The following ABCB9 variants were observed in gnomAD, a reference collection of about 807,000 sequenced individuals.
ABCB9 encodes ABC-type oligopeptide transporter ABCB9.
A neutral mutation model predicts 62.0 loss-of-function variants in ABCB9; 36 were observed. That is an observed-to-expected ratio of 0.58 (90% CI 0.45 to 0.77). The LOEUF (loss-of-function observed/expected upper bound fraction) is 0.77. ABCB9 is among the 30% of genes least tolerant of loss of function. The pLI is 0.00. For synonymous variants in ABCB9, 435 were observed against 461.4 expected (o/e 0.94, Z 0.73); for missense variants, 943 against 1,054.7 (o/e 0.89, Z 1.47).
At chr12:122,970,772 T>C (rs568542770), upstream of ABCB9, among the ~76,000 whole-genome samples, 1 of 152,302 alleles carries the variant, frequency 6.6e-6, no homozygotes, top group African/African-American at 2.4e-5. Context: ...AACTATGATG[T>C]CGTTCAGCAG....
chr12:122,941,465 C>T (rs1162846903), intron 7 of ABCB9, among the ~76,000 whole-genome samples: 3 of 151,898 alleles, frequency 2.0e-5, no homozygotes, highest in African/African-American at 2.4e-5. Context: ...CTCGCCACCA[C>T]GCCCAGATAA....
intron 1 of ABCB9, among the ~76,000 whole-genome samples, chr12:122,962,367 C>G (rs2135920946): frequency 6.6e-6 from 1 of 152,270 alleles, no homozygotes; most frequent in African/African-American, 2.4e-5. Context: ...CTCTAGATCC[C>G]CCAAGAGGAG....
chr12:122,941,643 C>T (rs1419067669), intron 7 of ABCB9, among the ~76,000 whole-genome samples: 1 of 151,830 alleles, frequency 6.6e-6, no homozygotes, highest in Non-Finnish European at 1.5e-5. Context: ...TTAATGTGTA[C>T]TATAAATAAA....
At position 122,932,153 on chromosome 12, in the gene ABCB9, C is replaced by T. The variant is rs1291020938; in HGVS notation, c.2040+39G>A. The T allele has an allele frequency of 2.3e-5, 35 of 1,550,482 alleles. No homozygotes were observed. Among genetic ancestry groups the T allele is most frequent in the Non-Finnish European group, 2.8e-5 (32 of 1,147,152 alleles). ...GATGGGGGCTCTGGCCACCTGGAGC[C>T]GCTCCTGCCCCCGCATTGCCCACCA... On this transcript the variant is annotated intron_variant, in intron 11 of 11. Transcript: ENST00000280560. The surrounding 1 kb of genome is among the most constrained non-coding windows in gnomAD (Gnocchi z 4.7).
intron 9 of ABCB9, among the ~76,000 whole-genome samples, chr12:122,938,979 C>T (rs920580263): frequency 6.6e-6 from 1 of 152,182 alleles, no homozygotes; most frequent in African/African-American, 2.4e-5. Context: ...CGAGACCAGC[C>T]TGGGCAACAC....
Position 122,946,374 on chromosome 12 carries a change from C to G in ABCB9, c.1054-152G>C, listed in dbSNP as rs1279866022. The G allele has an allele frequency of 4.2e-6, 3 of 717,486 alleles. No homozygotes were observed. The Admixed American group carries it at 7.8e-5, about 19-fold the overall frequency. 44.4% of individuals were successfully genotyped at this position (717,486 alleles called of 1,614,324 possible). On this transcript the variant is annotated intron_variant, in intron 5 of 11. Coordinates refer to ENST00000280560, the MANE Select transcript of ABCB9 (RefSeq NM_019625.4). Reference sequence around the variant, plus strand: ...ACAAAAAGACAAGATCTAGCCCTTTCTCCCCCATCCCCTTCTGGCTCAATT... The same window carrying G: ...ACAAAAAGACAAGATCTAGCCCTTTGTCCCCCATCCCCTTCTGGCTCAATT...
At chr12:122,973,802 A>G (rs953428890) in intron 1 of ABCB9, among the ~76,000 whole-genome samples, 2 of 151,996 alleles carry the variant, frequency 1.3e-5, no homozygotes, top group Non-Finnish European at 1.5e-5. Flanking sequence ...CAGAGCTTAC[A>G]GTGAGCCGAG....
At chr12:122,922,054 T>C (rs1376443382) in intron 11 of ABCB9, among the ~76,000 whole-genome samples, 1 of 151,940 alleles carries the variant, frequency 6.6e-6, no homozygotes, top group Non-Finnish European at 1.5e-5. Flanking sequence ...GCCGCTCAGG[T>C]CTGGGCCAGG....
chr12:122,948,861 G>A, intron 4 of ABCB9, 32 bp from the exon 5 acceptor site: 3 of 1,448,638 alleles, frequency 2.1e-6, no homozygotes, highest in Non-Finnish European at 2.7e-6. Flanking sequence ...TCTCACCACA[G>A]CAACCCGGGC....
chr12:122,935,996 A>G (rs183848884), intron 9 of ABCB9, among the ~76,000 whole-genome samples: 12 of 152,334 alleles, frequency 7.9e-5, no homozygotes, highest in African/African-American at 2.2e-4. Context: ...GCTTTAGTCT[A>G]GGAGTTCAAG....
rs1409161001 is a variant in ABCB9 at position 122,930,627 on chromosome 12, C to T, written c.2041-456G>A. 6.6e-6 allele frequency among the ~76,000 whole-genome samples: 1 copy of T among 152,002 alleles called. No individual in the cohort carries two copies. The highest frequency in any genetic ancestry group is 1.5e-5 in the Non-Finnish European group (1 of 68,020). ...GTTTCACCATGTTGGCCAGACTGGT[C>T]TCGAACACCTGACTTTGTGATCCGC... On this transcript the variant is annotated intron_variant, in intron 11 of 11. Transcript: ENST00000280560. The surrounding 1 kb of genome is among the most constrained non-coding windows in gnomAD (Gnocchi z 4.9).
Position 122,922,424 on chromosome 12 carries a change from G to A in ABCB9, c.2041-1381C>T, listed in dbSNP as rs567705691. Reference sequence around the variant, plus strand: ...AGATGGAGTCTCACTCTGTTGCCCAGGCTGGAGTGCAGTGGCACGATCTTA... The same window carrying A: ...AGATGGAGTCTCACTCTGTTGCCCAAGCTGGAGTGCAGTGGCACGATCTTA... On this transcript the variant is annotated intron_variant, in intron 11 of 11. Transcript: ENST00000344275. Among the ~76,000 whole-genome samples, 17 of 152,260 alleles carry A rather than the reference G, an allele frequency of 1.1e-4. 1 individual carries two copies. The South Asian group carries it at 3.5e-3, about 32-fold the overall frequency.
At chr12:122,937,902 T>C (rs1418873147) in intron 9 of ABCB9, among the ~76,000 whole-genome samples, 1 of 152,204 alleles carries the variant, frequency 6.6e-6, no homozygotes, top group African/African-American at 2.4e-5. Flanking sequence ...CAGGGACAGG[T>C]GTTATGGTTC....
chr12:122,969,513 G>T (rs2037247045), upstream of ABCB9, among the ~76,000 whole-genome samples: 1 of 152,174 alleles, frequency 6.6e-6, no homozygotes, highest in African/African-American at 2.4e-5. Flanking sequence ...ACTTTGGGAG[G>T]CCAAGGTGGC....
rs1409017455 is a variant in ABCB9, at chr12:122,944,314, C to T, written c.1380+77G>A. On this transcript the variant is annotated intron_variant, in intron 7 of 11. Transcript: ENST00000280560. This position sits in a 1 kb window ranked among gnomAD's most constrained non-coding sequence, Gnocchi z 4.9. ...CACATTGTCAGAGTCCCTGGAGCCC[C>T]GCCCCCACCCTGTTAAGATCCCTCT... 8 of 1,511,980 alleles carry T rather than the reference C, an allele frequency of 5.3e-6. No homozygotes were observed. Among genetic ancestry groups the T allele is most frequent in the African/African-American group, 1.4e-5 (1 of 72,266 alleles). 93.7% of individuals were successfully genotyped at this position (1,511,980 alleles called of 1,614,324 possible). A position where few individuals can be genotyped will look rare whatever the true frequency, so the allele number is the denominator to read the frequency against.
chr12:122,919,272 A>C (rs2034689585), downstream of ABCB9, among the ~76,000 whole-genome samples: 1 of 152,130 alleles, frequency 6.6e-6, no homozygotes, highest in South Asian at 2.1e-4. Flanking sequence ...CCTTGAGCTC[A>C]AAGGATCCTC....
chr12:122,941,110 C>T, intron 7 of ABCB9, 115 bp from the exon 8 acceptor site: 1 of 1,175,904 alleles, frequency 8.5e-7, no homozygotes, highest in Non-Finnish European at 1.2e-6. Context: ...CGGGGAGATG[C>T]AGGAGGCCAC....
In ABCB9 at chr12:122,944,302, TCCCTGGAGC is replaced by T. The variant is rs1002779710; in HGVS notation, c.1380+80_1380+88del. The T allele has an allele frequency of 6.6e-7, 1 of 1,511,876 alleles. No individual in the cohort carries two copies. Among genetic ancestry groups the T allele is most frequent in the African/African-American group, 1.4e-5 (1 of 72,120 alleles). The allele number at this position is 1,511,876 out of a possible 1,614,324, so 93.7% of individuals were successfully genotyped here. A position where few individuals can be genotyped will look rare whatever the true frequency, so the allele number is the denominator to read the frequency against. On this transcript the variant is annotated intron_variant, in intron 7 of 11. Coordinates refer to ENST00000280560, the MANE Select transcript of ABCB9 (RefSeq NM_019625.4). The surrounding 1 kb of genome is among the most constrained non-coding windows in gnomAD (Gnocchi z 4.9). The stretch of plus-strand genomic sequence containing the variant: ...AGAGAGAAATACCACATTGTCAGAG[TCCCTGGAGC>T]CCCGCCCCCACCCTGTTAAGATCCC...
At chr12:122,974,942 C>T (rs1020616699) in exon 1 of ABCB9, 14 of 258,008 alleles carry the variant, frequency 5.4e-5, no homozygotes, top group Non-Finnish European at 9.7e-5. Context: ...AGTCAAAGGC[C>T]TTGGGGCTCC....
Sources: gnomAD v4.1 joint callset for allele counts (sites outside exome capture counted in the v4.1 genomes callset) on GRCh38, gnomAD v4.1.1 for gene constraint, Gnocchi (gnomAD v3.1) non-coding constraint, MANE v1.5 for transcripts, NCBI Gene and HGNC (gene_info 2026-07-23, HGNC 2026-07-21) for gene names.